Variants in SYNPR observed in about 807,000 individuals in gnomAD.
SYNPR encodes synaptoporin.
Under a neutral mutation model 32.9 loss-of-function variants are expected in SYNPR, and 23 were observed. That is an observed-to-expected ratio of 0.70 (90% CI 0.50 to 0.99). The LOEUF (loss-of-function observed/expected upper bound fraction) is 0.99, where lower values mean the gene tolerates loss of function less well. Among genes scored for constraint, SYNPR ranks in the 50% least tolerant of loss-of-function variants. The probability of loss-of-function intolerance (pLI) is 0.00; values close to 1 mark genes in which losing one functional copy is unlikely to be tolerated. For synonymous variants in SYNPR, 146 were observed against 135.9 expected (o/e 1.07, Z -0.52); for missense variants, 318 against 349.3 (o/e 0.91, Z 0.71).
chr3:63,604,177 G>A, intron 4 of SYNPR, among the ~76,000 whole-genome samples: 1 of 152,106 alleles, frequency 6.6e-6, no homozygotes. Context: ...CCATCTTTGT[G>A]GAGTCAGTGG....
At chr3:63,509,516 C>G (rs1701655642) in intron 3 of SYNPR, among the ~76,000 whole-genome samples, 1 of 151,750 alleles carries the variant, frequency 6.6e-6, no homozygotes, top group Admixed American at 6.6e-5. Context: ...TGCTTTTGCC[C>G]ATAAAGATAT....
intron 4 of SYNPR, among the ~76,000 whole-genome samples, chr3:63,596,639 G>C (rs547843963): frequency 4.3e-4 from 66 of 152,222 alleles, no homozygotes; most frequent in Non-Finnish European, 7.2e-4. Context: ...AATGAATTGG[G>C]TGATCATATA....
intron 2 of SYNPR, among the ~76,000 whole-genome samples, chr3:63,265,367 T>C (rs9311862): frequency 0.78 from 117,613 of 150,538 alleles, 46,796 homozygotes; most frequent in Middle Eastern, 0.87. Flanking sequence ...TTCTTCTGCC[T>C]CAGCCTCCCG....
chr3:63,371,645 C>T (rs753542972), intron 2 of SYNPR, among the ~76,000 whole-genome samples: 8 of 152,236 alleles, frequency 5.3e-5, no homozygotes, highest in African/African-American at 1.9e-4. Context: ...ACTGATACAG[C>T]TCCCCAGTGC....
chr3:63,361,746 T>C (rs536716274), intron 2 of SYNPR, among the ~76,000 whole-genome samples: 3 of 152,094 alleles, frequency 2.0e-5, no homozygotes, highest in South Asian at 2.1e-4. Flanking sequence ...ATAGTTATTA[T>C]AGGGTGCTAA....
chr3:63,520,650 G>A (rs376923566), intron 3 of SYNPR, among the ~76,000 whole-genome samples: 1 of 148,472 alleles, frequency 6.7e-6, no homozygotes, highest in Non-Finnish European at 1.5e-5. Flanking sequence ...TCCAGCCTGG[G>A]TGACAGAGCA....
intron 1 of SYNPR, among the ~76,000 whole-genome samples, chr3:63,249,984 C>G (rs1186511076): frequency 2.0e-5 from 3 of 152,058 alleles, no homozygotes; most frequent in Non-Finnish European, 2.9e-5. Flanking sequence ...ATAAGAGAAA[C>G]TTACCTACCT....
chr3:63,252,903 G>T (rs755583635), intron 2 of SYNPR, among the ~76,000 whole-genome samples: 4 of 151,970 alleles, frequency 2.6e-5, no homozygotes, highest in Non-Finnish European at 4.4e-5. Flanking sequence ...TCCAGGCATG[G>T]TAGCGCTCGC....
chr3:63,325,525 C>T (rs1375643527), intron 2 of SYNPR, among the ~76,000 whole-genome samples: 3 of 152,116 alleles, frequency 2.0e-5, no homozygotes, highest in African/African-American at 7.2e-5. Flanking sequence ...CAGGATCTTA[C>T]TGAGGTGCCA....
At chr3:63,404,216 G>A (rs752305163) in intron 2 of SYNPR, among the ~76,000 whole-genome samples, 71 of 152,120 alleles carry the variant, frequency 4.7e-4, no homozygotes, top group Non-Finnish European at 7.6e-4. Flanking sequence ...TGGTGATTAC[G>A]TTTTTTGAAT....
At chr3:63,571,078 A>C (rs550730430) in intron 4 of SYNPR, among the ~76,000 whole-genome samples, 1 of 152,158 alleles carries the variant, frequency 6.6e-6, no homozygotes, top group Non-Finnish European at 1.5e-5. Context: ...GAAAATCACA[A>C]TAAGCATCAA....
intron 4 of SYNPR, among the ~76,000 whole-genome samples, chr3:63,563,519 C>T (rs535351541): frequency 2.2e-4 from 33 of 152,202 alleles, no homozygotes; most frequent in Admixed American, 6.5e-4. Context: ...GCTCTCTCTT[C>T]TCCCCTTCCC....
chr3:63,274,180 G>A (rs1291351920), upstream of SYNPR, among the ~76,000 whole-genome samples: 2 of 152,026 alleles, frequency 1.3e-5, no homozygotes, highest in South Asian at 2.1e-4. Context: ...TTAAGTTGCT[G>A]CAGATAAAGT....
chr3:63,208,954 C>A, the SYNPR span, among the ~76,000 whole-genome samples: 1 of 152,068 alleles, frequency 6.6e-6, no homozygotes, highest in Non-Finnish European at 1.5e-5. Context: ...TAAGGTGACA[C>A]TTTTATAGTA....
chr3:63,374,615 C>T (rs2087861548), intron 2 of SYNPR, among the ~76,000 whole-genome samples: 1 of 152,122 alleles, frequency 6.6e-6, no homozygotes, highest in African/African-American at 2.4e-5. Flanking sequence ...TTAAATAATC[C>T]AAATTCTATT....
chr3:63,491,635 C>T (rs1283474104), intron 3 of SYNPR, among the ~76,000 whole-genome samples: 2 of 152,114 alleles, frequency 1.3e-5, no homozygotes, highest in East Asian at 3.9e-4. Context: ...ATTCTCGTGC[C>T]TCAGCCTCCC....
intron 4 of SYNPR, among the ~76,000 whole-genome samples, chr3:63,602,091 G>A (rs1005548609): frequency 1.7e-4 from 26 of 152,138 alleles, no homozygotes; most frequent in African/African-American, 6.3e-4. Flanking sequence ...TTTCTCTAAT[G>A]ATTAGTGATG....
chr3:63,240,429 G>T (rs1187641762), intron 1 of SYNPR, among the ~76,000 whole-genome samples: 2 of 152,066 alleles, frequency 1.3e-5, no homozygotes, highest in Non-Finnish European at 2.9e-5. Context: ...TCATGAGAAG[G>T]GAGAGGCTTT....
At chr3:63,283,809 CCT>C (rs1491526375) in intron 2 of SYNPR, among the ~76,000 whole-genome samples, 3 of 129,926 alleles carry the variant, frequency 2.3e-5, no homozygotes, top group African/African-American at 9.0e-5. Context: ...CAGATAATTA[CCT>C]TTTTTTTTTT....
Sources: gnomAD v4.1 joint callset for allele counts (sites outside exome capture counted in the v4.1 genomes callset) on GRCh38, gnomAD v4.1.1 for gene constraint, MANE v1.5 for transcripts, NCBI Gene and HGNC (gene_info 2026-07-23, HGNC 2026-07-21) for gene names.